CD200: variants seen among roughly 807,000 people sequenced by gnomAD.
The protein encoded by CD200 is OX-2 membrane glycoprotein.
In CD200, 15 loss-of-function variants were observed where a neutral mutation model predicts 30.9. The observed-to-expected ratio is 0.49, with a 90% CI of 0.32 to 0.75. The LOEUF (loss-of-function observed/expected upper bound fraction) is 0.75, where lower values mean the gene tolerates loss of function less well. Ranked by LOEUF, CD200 falls within the 30% of genes least tolerant of loss-of-function variation. CD200 has a pLI of 0.03. For missense variants in CD200, 262 were observed against 324.2 expected (o/e 0.81, Z 1.47); for synonymous variants, 134 against 126.2 (o/e 1.06, Z -0.41).
chr3:112,338,070 A>G (rs531134764), intron 1 of CD200, among the ~76,000 whole-genome samples: 1 of 152,334 alleles, frequency 6.6e-6, no homozygotes, highest in East Asian at 1.9e-4. Context: ...CGGATACAGA[A>G]CCAACAGATA....
At chr3:112,349,006 A>C (rs2081473197) in intron 4 of CD200, among the ~76,000 whole-genome samples, 2 of 152,212 alleles carry the variant, frequency 1.3e-5, no homozygotes, top group East Asian at 1.9e-4. Flanking sequence ...TATGTCAAGC[A>C]CTGGACCTAT....
At chr3:112,343,649 T>TAAAATATTTAAACA (rs2081319328) in intron 2 of CD200, among the ~76,000 whole-genome samples, 1 of 152,184 alleles carries the variant, frequency 6.6e-6, no homozygotes, top group African/African-American at 2.4e-5. Context: ...AACAATTGTT[T>TAAAATATTTAAACA]AAATATATTA....
chr3:112,348,493 G>A (rs1195366895), intron 4 of CD200, among the ~76,000 whole-genome samples: 1 of 152,156 alleles, frequency 6.6e-6, no homozygotes, highest in Non-Finnish European at 1.5e-5. Context: ...AGATACAAGA[G>A]GTGAGAATGA....
In CD200 at chr3:112,339,581, G is replaced by A. The variant is rs150097935; in HGVS notation, c.13-1321G>A. ...AATAGAACCTGCAAGTAGTTGTTGA[G>A]ATCCAAGAAAAAAATAATACCTGTG... is the stretch of plus-strand genomic sequence containing the variant. On this transcript the variant is annotated intron_variant, in intron 1 of 5. Coordinates refer to ENST00000315711, the MANE Select transcript of CD200 (RefSeq NM_005944.7). Among the ~76,000 whole-genome samples the A allele has an allele frequency of 3.2e-3, 492 of 152,268 alleles. 4 individuals are homozygous for A. Among genetic ancestry groups the A allele is most frequent in the African/African-American group, 0.011 (459 of 41,554 alleles).
intron 3 of CD200, 80 bp from the exon 4 acceptor site, chr3:112,347,478 T>A (rs758678807): frequency 3.2e-4 from 438 of 1,350,792 alleles, no homozygotes; most frequent in Middle Eastern, 2.0e-3. Context: ...TAAGCATATT[T>A]CCTTCATCTC....
Position 112,362,150 on chromosome 3 carries a change from T to C in CD200, c.*600T>C, listed in dbSNP as rs1055199422. On this transcript the variant is annotated 3_prime_UTR_variant, in exon 6 of 6. Coordinates refer to ENST00000315711, the MANE Select transcript of CD200 (RefSeq NM_005944.7). Reference sequence around the variant, plus strand: ...GTCCAGTTCCTGCTTACTGCTTTGCTAATAGCTGGCCTTGCTAGAATCCTT... The same window carrying C: ...GTCCAGTTCCTGCTTACTGCTTTGCCAATAGCTGGCCTTGCTAGAATCCTT... 1 of 152,336 alleles carries C rather than the reference T, an allele frequency of 6.6e-6. No individual in the cohort carries two copies. 9.4% of individuals were successfully genotyped at this position (152,336 alleles called of 1,614,324 possible). A position where few individuals can be genotyped will look rare whatever the true frequency, so the allele number is the denominator to read the frequency against.
intron 5 of CD200, among the ~76,000 whole-genome samples, chr3:112,351,997 C>A (rs1447563871): frequency 2.0e-5 from 3 of 152,202 alleles, no homozygotes; most frequent in African/African-American, 7.2e-5. Context: ...CCCAAGAGAT[C>A]TTCCCCCCTT....
intron 2 of CD200, among the ~76,000 whole-genome samples, chr3:112,342,329 CTTTCTTTCCTTCT>C (rs1559783095): frequency 0.023 from 603 of 26,470 alleles, 85 homozygotes; most frequent in African/African-American, 0.044. Flanking sequence ...TTCTTTCTTT[CTTTCTTTCCTTCT>C]TTCTTTCTTT....
At chr3:112,350,717 A>G (rs2081513718) in intron 5 of CD200, among the ~76,000 whole-genome samples, 1 of 152,242 alleles carries the variant, frequency 6.6e-6, no homozygotes, top group Admixed American at 6.5e-5. Context: ...AGGGGTCAGG[A>G]AAGAAAAATA....
Position 112,361,923 on chromosome 3 carries a change from C to G in CD200, c.*373C>G, listed in dbSNP as rs369090608. 6 of 216,566 alleles carry G rather than the reference C, an allele frequency of 2.8e-5. No homozygotes were observed. In the East Asian group the frequency reaches 4.0e-4, roughly 14 times the overall value. 13.4% of individuals were successfully genotyped at this position (216,566 alleles called of 1,614,324 possible). ...CATCCAAAGTATAAAGGAATTGGACCAAATAATTTACCACATAGCTCTAAA... is the reference window on the plus strand; with the variant it reads ...CATCCAAAGTATAAAGGAATTGGACGAAATAATTTACCACATAGCTCTAAA... On this transcript the variant is annotated 3_prime_UTR_variant, in exon 6 of 6. Coordinates refer to ENST00000315711, the MANE Select transcript of CD200 (RefSeq NM_005944.7).
chr3:112,345,240 A>G lies in CD200; in HGVS notation c.373A>G (p.Thr125Ala). ...DEGCYMCLFN[T>A]FGFGKISGTA... ...AGGGTGTTACATGTGTCTCTTCAATACCTTTGGTTTTGGGAAGATCTCAGG... is the reference window on the plus strand; with the variant it reads ...AGGGTGTTACATGTGTCTCTTCAATGCCTTTGGTTTTGGGAAGATCTCAGG... The change falls in exon 3 of 6, where the codon ACC becomes GCC. Residue 125 changes from threonine (T) to alanine (A), a missense_variant. Thr to Ala is a moderately conservative substitution (Grantham distance 58, BLOSUM62 0). Coordinates refer to ENST00000315711, the MANE Select transcript of CD200 (RefSeq NM_005944.7). The G allele has an allele frequency of 6.2e-7, 1 of 1,613,936 alleles. No homozygotes were observed. The highest frequency in any genetic ancestry group is 8.5e-7 in the Non-Finnish European group (1 of 1,179,918).
At chr3:112,338,860 G>A (rs2081177444) in intron 1 of CD200, among the ~76,000 whole-genome samples, 6 of 152,188 alleles carry the variant, frequency 3.9e-5, no homozygotes, top group Admixed American at 3.9e-4. Context: ...GCAAGATAGT[G>A]TGGTAATTAT....
intron 5 of CD200, among the ~76,000 whole-genome samples, chr3:112,351,089 C>T (rs1447244495): frequency 2.0e-5 from 3 of 152,176 alleles, no homozygotes; most frequent in Admixed American, 6.5e-5. Flanking sequence ...TTTGATTCTA[C>T]TTTATCCAGA....
At chr3:112,333,386 G>C in intron 1 of CD200, 162 bp downstream of exon 1, 2 of 985,432 alleles carry the variant, frequency 2.0e-6, no homozygotes, top group Admixed American at 1.2e-4. Flanking sequence ...TTCTCTAAGC[G>C]CTTTCTCTTG....
chr3:112,337,832 G>A (rs992684220), intron 1 of CD200, among the ~76,000 whole-genome samples: 2 of 152,014 alleles, frequency 1.3e-5, no homozygotes, highest in African/African-American at 2.4e-5. Context: ...GTTGGTGGAT[G>A]GTGCAAGTCC....
intron 1 of CD200, chr3:112,334,346 T>C (rs1331965734): frequency 3.2e-6 from 2 of 625,230 alleles, no homozygotes; most frequent in African/African-American, 4.0e-5. Context: ...ATGGCAAGGG[T>C]TATAAGTGGG....
At chr3:112,335,833 C>G (rs1166867600) in intron 1 of CD200, 2 of 802,150 alleles carry the variant, frequency 2.5e-6, no homozygotes, top group East Asian at 4.9e-5. Flanking sequence ...CAGACCATGA[C>G]AGCTCTGGTG....
In CD200 at chr3:112,333,175, C is replaced by T. The variant is rs2081033177; in HGVS notation, c.-38C>T. On this transcript the variant is annotated 5_prime_UTR_variant, in exon 1 of 6. Coordinates refer to ENST00000315711, the MANE Select transcript of CD200 (RefSeq NM_005944.7). ...CCTAGCAGAGCTCCAGGCGCACATC[C>T]GCAGTCAGCCACCTCGCGCGCGCCT... The T allele has an allele frequency of 2.6e-6, 4 of 1,548,792 alleles. No individual in the cohort carries two copies. The highest frequency in any genetic ancestry group is 3.9e-5 in the Admixed American group (2 of 50,978).
At chr3:112,335,776 G>A in intron 1 of CD200, 1 of 647,542 alleles carries the variant, frequency 1.5e-6, no homozygotes, top group Non-Finnish European at 2.8e-6. Context: ...CTGAAGAAGA[G>A]CCCTTTTCCA....
Sources: gnomAD v4.1 joint callset for allele counts (sites outside exome capture counted in the v4.1 genomes callset) on GRCh38, gnomAD v4.1.1 for gene constraint, MANE v1.5 for transcripts, NCBI Gene and HGNC (gene_info 2026-07-23, HGNC 2026-07-21) for gene names.